NAALADL2: variants seen among roughly 807,000 people sequenced by gnomAD.
NAALADL2 encodes N-acetylated alpha-linked acidic dipeptidase like 2.
In NAALADL2, 76 loss-of-function variants were observed where a neutral mutation model predicts 87.2. The observed-to-expected ratio is 0.87, with a 90% CI of 0.72 to 1.05. NAALADL2 has a LOEUF of 1.05. NAALADL2 is among the 50% of genes least tolerant of loss of function. The pLI, the probability that NAALADL2 is intolerant of heterozygous loss-of-function variation, is 0.00. For missense variants in NAALADL2, 1,089 were observed against 945.8 expected (o/e 1.15, Z -1.99); for synonymous variants, 354 against 331.0 (o/e 1.07, Z -0.75).
At position 174,621,819 on chromosome 3, in the gene NAALADL2, G is replaced by C. The variant is rs186291921; in HGVS notation, c.-115+71182G>C. ...GGGTCACGTTTGACTGTTGGCAAAA[G>C]AGTCACTAATTAGATGTAAAAAATA... On this transcript the variant is annotated intron_variant, in intron 2 of 3. Transcript: ENST00000434257. Among the ~76,000 whole-genome samples, 3 of 152,248 alleles carry C rather than the reference G, an allele frequency of 2.0e-5. No individual in the cohort carries two copies. In the East Asian group the frequency reaches 5.8e-4, roughly 29 times the overall value.
chr3:174,559,720 G>A (rs1713343792), intron 2 of NAALADL2, among the ~76,000 whole-genome samples: 1 of 152,124 alleles, frequency 6.6e-6, no homozygotes, highest in Admixed American at 6.5e-5. Flanking sequence ...GTTGTATGAT[G>A]GAAAGAAGGC....
intron 3 of NAALADL2, among the ~76,000 whole-genome samples, chr3:174,767,414 C>T (rs1713952393): frequency 6.6e-6 from 1 of 152,104 alleles, no homozygotes; most frequent in Non-Finnish European, 1.5e-5. Flanking sequence ...TACAAAACTG[C>T]CTTTATCAGG....
chr3:174,801,639 G>A (rs1396505601), intron 3 of NAALADL2, among the ~76,000 whole-genome samples: 4 of 152,028 alleles, frequency 2.6e-5, no homozygotes, highest in Non-Finnish European at 5.9e-5. Context: ...ATTCATAGAT[G>A]CCCTTTATCA....
At chr3:175,353,639 G>T (rs1764028536) in intron 5 of NAALADL2, among the ~76,000 whole-genome samples, 3 of 152,158 alleles carry the variant, frequency 2.0e-5, no homozygotes, top group South Asian at 4.1e-4. Flanking sequence ...GAGTTTCAAA[G>T]ACTCTTCAAA....
chr3:174,842,945 C>T (rs1724187645), intron 3 of NAALADL2, among the ~76,000 whole-genome samples: 2 of 152,042 alleles, frequency 1.3e-5, no homozygotes, highest in South Asian at 2.1e-4. Flanking sequence ...ATACTCTTTA[C>T]TACTGAGTTA....
intron 1 of NAALADL2, among the ~76,000 whole-genome samples, chr3:174,920,085 C>T (rs1367832364): frequency 6.6e-6 from 1 of 152,082 alleles, no homozygotes; most frequent in Non-Finnish European, 1.5e-5. Context: ...TTATAGAGTA[C>T]ATATAGACTC....
chr3:174,918,872 A>G (rs916809769), intron 1 of NAALADL2, among the ~76,000 whole-genome samples: 1 of 152,080 alleles, frequency 6.6e-6, no homozygotes, highest in Non-Finnish European at 1.5e-5. Flanking sequence ...CCACTTTTAT[A>G]ATACACCACA....
chr3:175,786,332 G>A (rs1244765278), intron 13 of NAALADL2, among the ~76,000 whole-genome samples: 1 of 152,104 alleles, frequency 6.6e-6, no homozygotes. Context: ...TCACTTTCAG[G>A]TACACCAATG....
chr3:175,487,285 A>G (rs1006760064), intron 9 of NAALADL2, among the ~76,000 whole-genome samples: 1 of 152,142 alleles, frequency 6.6e-6, no homozygotes, highest in Admixed American at 6.6e-5. Context: ...CATAGCACGT[A>G]TAATATTCTA....
At chr3:175,289,877 C>A (rs1160418021) in intron 4 of NAALADL2, among the ~76,000 whole-genome samples, 1 of 151,976 alleles carries the variant, frequency 6.6e-6, no homozygotes, top group Non-Finnish European at 1.5e-5. Flanking sequence ...TAACAAAGGA[C>A]TTATATCCAG....
At chr3:175,778,723 T>C (rs146630490) in intron 13 of NAALADL2, among the ~76,000 whole-genome samples, 155 of 152,246 alleles carry the variant, frequency 1.0e-3, no homozygotes, top group African/African-American at 3.6e-3. Flanking sequence ...ATTTTACAAG[T>C]GGGGAAGAAG....
intron 1 of NAALADL2, among the ~76,000 whole-genome samples, chr3:174,867,524 C>G (rs1727305662): frequency 6.6e-6 from 1 of 151,992 alleles, no homozygotes; most frequent in Non-Finnish European, 1.5e-5. Context: ...AAGGCCATAG[C>G]TGACTTGTTT....
At chr3:175,236,978 T>C (rs1427552738) in intron 3 of NAALADL2, among the ~76,000 whole-genome samples, 1 of 152,184 alleles carries the variant, frequency 6.6e-6, no homozygotes, top group African/African-American at 2.4e-5. Flanking sequence ...TGCGTTCAAG[T>C]AGTGTGTAAG....
chr3:175,674,232 T>C (rs1734407489), intron 11 of NAALADL2, among the ~76,000 whole-genome samples: 1 of 151,596 alleles, frequency 6.6e-6, no homozygotes, highest in African/African-American at 2.4e-5. Context: ...GTAAAAGTGA[T>C]TTCCAACTGA....
chr3:174,810,099 C>A (rs1159774380), intron 3 of NAALADL2, among the ~76,000 whole-genome samples: 1 of 152,160 alleles, frequency 6.6e-6, no homozygotes, highest in South Asian at 2.1e-4. Context: ...GCCAATTAAA[C>A]CTCTTTTCTT....
chr3:175,507,624 A>C (rs974574035), intron 9 of NAALADL2, among the ~76,000 whole-genome samples: 1 of 152,046 alleles, frequency 6.6e-6, no homozygotes. Context: ...GCGTTTCACC[A>C]TGTTGGCCAG....
At chr3:174,454,789 C>T (rs149843423) in intron 1 of NAALADL2, among the ~76,000 whole-genome samples, 94 of 152,076 alleles carry the variant, frequency 6.2e-4, no homozygotes, top group Non-Finnish European at 1.1e-3. Context: ...TTAGAAAGAT[C>T]TCAATTTAAC....
intron 11 of NAALADL2, among the ~76,000 whole-genome samples, chr3:175,663,252 T>A (rs908370953): frequency 1.3e-5 from 2 of 151,774 alleles, no homozygotes; most frequent in African/African-American, 4.8e-5. Context: ...TCAAGTTTTC[T>A]ATTTCTTTAT....
At chr3:175,748,607 G>C (rs184635137) in intron 12 of NAALADL2, among the ~76,000 whole-genome samples, 1 of 152,120 alleles carries the variant, frequency 6.6e-6, no homozygotes, top group Admixed American at 6.6e-5. Context: ...TAAAGAAAAA[G>C]CTTACATTTG....
Sources: allele counts gnomAD v4.1 joint callset (sites outside exome capture counted in the v4.1 genomes callset), GRCh38; gene constraint gnomAD v4.1.1; transcripts MANE v1.5; gene names NCBI Gene and HGNC (gene_info 2026-07-23, HGNC 2026-07-21).